Variants in SIPA1L1 observed in about 807,000 individuals in gnomAD.
SIPA1L1 encodes signal-induced proliferation-associated 1-like protein 1.
A neutral mutation model predicts 162.7 loss-of-function variants in SIPA1L1; 26 were observed. The ratio of observed to expected loss-of-function variants is 0.16; its 90% CI spans 0.12 to 0.22. The LOEUF is 0.22. SIPA1L1 is among the 10% of genes least tolerant of loss of function. The probability of loss-of-function intolerance (pLI) is 1.00; values close to 1 mark genes in which losing one functional copy is unlikely to be tolerated. For synonymous variants in SIPA1L1, 829 were observed against 837.4 expected (o/e 0.99, Z 0.17); for missense variants, 1,874 against 2,241.0 (o/e 0.84, Z 3.31).
chr14:71,386,305 T>C (rs755737872), intron 2 of SIPA1L1, among the ~76,000 whole-genome samples: 5 of 152,174 alleles, frequency 3.3e-5, no homozygotes, highest in African/African-American at 7.2e-5. Context: ...GAGAAAGATG[T>C]AGGCTGGGAG....
At chr14:71,378,429 C>A (rs2039606733) in intron 2 of SIPA1L1, among the ~76,000 whole-genome samples, 2 of 152,084 alleles carry the variant, frequency 1.3e-5, no homozygotes, top group Admixed American at 1.3e-4. Flanking sequence ...GACCTATGAG[C>A]TCTGGAGGTG....
intron 2 of SIPA1L1, among the ~76,000 whole-genome samples, chr14:71,396,651 CT>C (rs574085241): frequency 9.9e-5 from 15 of 151,446 alleles, no homozygotes; most frequent in Admixed American, 5.9e-4. Flanking sequence ...TTGGTAAAAA[CT>C]TTTTTTTTGC....
chr14:71,571,642 T>A (rs2032050544), intron 4 of SIPA1L1, among the ~76,000 whole-genome samples: 1 of 151,836 alleles, frequency 6.6e-6, no homozygotes, highest in Admixed American at 6.6e-5. Flanking sequence ...ATTTATTTAT[T>A]TATTTATTTA....
intron 10 of SIPA1L1, among the ~76,000 whole-genome samples, chr14:71,663,087 A>G (rs576423073): frequency 6.6e-6 from 1 of 152,362 alleles, no homozygotes; most frequent in Admixed American, 6.5e-5. Context: ...CTATAATGCA[A>G]GCTACATATT....
chr14:71,346,114 G>T (rs1382623614), intron 2 of SIPA1L1, among the ~76,000 whole-genome samples: 1 of 151,998 alleles, frequency 6.6e-6, no homozygotes, highest in African/African-American at 2.4e-5. Flanking sequence ...CACCATGTTG[G>T]CCAGGATGGA....
At position 71,588,880 on chromosome 14, in the gene SIPA1L1, C is replaced by T. The variant is rs1009041980; in HGVS notation, c.1008C>T (p.Val336=). ...CAAAGTGCTTTGCCCACTATGATGT[C>T]CAGAGTATATTATTTGATTTGAATG... is the stretch of plus-strand genomic sequence containing the variant. The part of the protein sequence containing the change: ...TCPKCFAHYD[V]QSILFDLNEA... Residue 336 remains valine, a synonymous_variant, in exon 5 of 24, where the codon GTC becomes GTT. Coordinates refer to ENST00000381232, the MANE Select transcript of SIPA1L1 (RefSeq NM_001386936.1). This position sits in a 1 kb window ranked among gnomAD's most constrained non-coding sequence, Gnocchi z 4.3. 2 of 1,614,046 alleles carry T rather than the reference C, an allele frequency of 1.2e-6. No homozygotes were observed. The highest frequency in any genetic ancestry group is 1.1e-5 in the South Asian group (1 of 91,078).
At chr14:71,473,095 A>C (rs1407281312) in intron 2 of SIPA1L1, among the ~76,000 whole-genome samples, 1 of 152,098 alleles carries the variant, frequency 6.6e-6, no homozygotes, top group Non-Finnish European at 1.5e-5. Context: ...CTTTAAAGAG[A>C]GGCTTTTTAA....
At chr14:71,707,131 GCACGCACACACA>G (rs879920044) in intron 16 of SIPA1L1, among the ~76,000 whole-genome samples, 240 of 149,796 alleles carry the variant, frequency 1.6e-3, no homozygotes, top group Non-Finnish European at 2.6e-3. Context: ...ACACACACAC[GCACGCACACACA>G]CACGCACACA....
In SIPA1L1 at chr14:71,662,097, T is replaced by C. The variant is rs187195278; in HGVS notation, c.2255+630T>C. ...GCTCGATAGGGGTGTAGTGCCAGAA[T>C]GTGTAAGGGTAATGTTCTGGCATTT... is the stretch of plus-strand genomic sequence containing the variant. On this transcript the variant is annotated intron_variant, in intron 10 of 23. Coordinates refer to ENST00000381232, the MANE Select transcript of SIPA1L1 (RefSeq NM_001386936.1). Among the ~76,000 whole-genome samples, 3 of 152,288 alleles carry C rather than the reference T, an allele frequency of 2.0e-5. No individual in the cohort carries two copies. The East Asian group carries it at 5.8e-4, about 29-fold the overall frequency.
chr14:71,719,724 C>A (rs2150149533), intron 17 of SIPA1L1, among the ~76,000 whole-genome samples: 1 of 152,268 alleles, frequency 6.6e-6, no homozygotes, highest in African/African-American at 2.4e-5. Flanking sequence ...AATTCCTGAC[C>A]TCAGGTGATC....
At chr14:71,538,015 T>C (rs1456590112) in intron 4 of SIPA1L1, among the ~76,000 whole-genome samples, 1 of 152,216 alleles carries the variant, frequency 6.6e-6, no homozygotes, top group Non-Finnish European at 1.5e-5. Context: ...TTTGACTGAC[T>C]TGCTGATTTG....
At chr14:71,371,983 T>C (rs1447957333) in intron 2 of SIPA1L1, among the ~76,000 whole-genome samples, 2 of 152,206 alleles carry the variant, frequency 1.3e-5, no homozygotes, top group Non-Finnish European at 2.9e-5. Flanking sequence ...ACATGATTGC[T>C]GAATGGTTGA....
At chr14:71,365,823 T>G (rs2140933823) in intron 2 of SIPA1L1, among the ~76,000 whole-genome samples, 1 of 151,896 alleles carries the variant, frequency 6.6e-6, no homozygotes, top group South Asian at 2.1e-4. Context: ...CCTCCCTGGC[T>G]CAAGCCATCC....
intron 17 of SIPA1L1, among the ~76,000 whole-genome samples, 171 bp from the exon 18 acceptor site, chr14:71,723,476 G>C (rs1419134464): frequency 6.6e-6 from 1 of 152,200 alleles, no homozygotes; most frequent in Non-Finnish European, 1.5e-5. Context: ...TTTGAGAGCA[G>C]ACATTTAAAT....
intron 13 of SIPA1L1, among the ~76,000 whole-genome samples, chr14:71,690,934 T>C (rs1194705300): frequency 6.6e-6 from 1 of 152,226 alleles, no homozygotes; most frequent in Non-Finnish European, 1.5e-5. Context: ...AAGTTCAAGC[T>C]GACTTGACCT....
At chr14:71,672,009 G>A (rs1415293943) in intron 11 of SIPA1L1, among the ~76,000 whole-genome samples, 2 of 151,756 alleles carry the variant, frequency 1.3e-5, no homozygotes, top group South Asian at 2.1e-4. Context: ...TCATCTGGTG[G>A]TGGTGTTGAA....
At chr14:71,535,820 G>A (rs2053846926) in intron 4 of SIPA1L1, among the ~76,000 whole-genome samples, 1 of 152,056 alleles carries the variant, frequency 6.6e-6, no homozygotes, top group African/African-American at 2.4e-5. Flanking sequence ...ATGTTGACCA[G>A]GCTGTTTTCA....
chr14:71,664,231 C>T (rs953109842), intron 10 of SIPA1L1, among the ~76,000 whole-genome samples: 1 of 152,120 alleles, frequency 6.6e-6, no homozygotes, highest in Non-Finnish European at 1.5e-5. Context: ...GAATTTTTCT[C>T]AAGCCCCAGC....
At chr14:71,696,144 A>G (rs1439799987) in intron 13 of SIPA1L1, among the ~76,000 whole-genome samples, 2 of 152,142 alleles carry the variant, frequency 1.3e-5, no homozygotes, top group East Asian at 1.9e-4. Flanking sequence ...CGCATACACT[A>G]CTTTGAGATC....
Sources: allele counts gnomAD v4.1 joint callset (sites outside exome capture counted in the v4.1 genomes callset), GRCh38; gene constraint gnomAD v4.1.1; non-coding constraint Gnocchi (gnomAD v3.1); transcripts MANE v1.5; gene names NCBI Gene and HGNC (gene_info 2026-07-23, HGNC 2026-07-21).